Variants in DLG2 observed in about 807,000 individuals in gnomAD.
DLG2 encodes disks large homolog 2.
Under a neutral mutation model 132.5 loss-of-function variants are expected in DLG2, and 45 were observed. The observed-to-expected ratio is 0.34, with a 90% confidence interval of 0.27 to 0.44. The LOEUF (loss-of-function observed/expected upper bound fraction) is 0.44, where lower values mean the gene tolerates loss of function less well. Ranked by LOEUF, DLG2 falls within the 20% of genes least tolerant of loss-of-function variation. The pLI is 1.00. For synonymous variants in DLG2, 424 were observed against 419.6 expected (o/e 1.01, Z -0.13); for missense variants, 1,045 against 1,196.9 (o/e 0.87, Z 1.87).
intron 7 of DLG2, among the ~76,000 whole-genome samples, chr11:84,259,234 T>C (rs1168717635): frequency 1.3e-5 from 2 of 149,432 alleles, no homozygotes; most frequent in East Asian, 2.0e-4. Flanking sequence ...ACTGTGCCAC[T>C]GTACTCCAGC....
At chr11:84,874,283 G>T (rs2085962175) in intron 6 of DLG2, among the ~76,000 whole-genome samples, 1 of 152,166 alleles carries the variant, frequency 6.6e-6, no homozygotes, top group Non-Finnish European at 1.5e-5. Flanking sequence ...GAATTAAGCT[G>T]ACAATAGAAT....
intron 6 of DLG2, among the ~76,000 whole-genome samples, chr11:85,105,044 A>G (rs756967435): frequency 1.1e-4 from 16 of 152,014 alleles, no homozygotes; most frequent in East Asian, 1.9e-4. Flanking sequence ...GATGACATCA[A>G]TTTTACCGTG....
intron 5 of DLG2, among the ~76,000 whole-genome samples, chr11:85,122,443 G>A (rs2074431718): frequency 6.6e-6 from 1 of 152,150 alleles, no homozygotes; most frequent in Non-Finnish European, 1.5e-5. Flanking sequence ...ATTATTTGGG[G>A]AAACCAAATG....
intron 10 of DLG2, among the ~76,000 whole-genome samples, chr11:84,071,259 T>C (rs1219541625): frequency 6.6e-6 from 1 of 151,792 alleles, no homozygotes; most frequent in Non-Finnish European, 1.5e-5. Flanking sequence ...ACTGGCTTTT[T>C]TTTTATTTTT....
chr11:84,654,388 G>C (rs1310380041), intron 6 of DLG2, among the ~76,000 whole-genome samples: 1 of 152,136 alleles, frequency 6.6e-6, no homozygotes, highest in Non-Finnish European at 1.5e-5. Context: ...AAGAATTGCA[G>C]TCTACCATTG....
chr11:84,393,675 C>G (rs2098800797), intron 7 of DLG2, among the ~76,000 whole-genome samples: 1 of 150,874 alleles, frequency 6.6e-6, no homozygotes, highest in Non-Finnish European at 1.5e-5. Context: ...TTAATTTGCC[C>G]AAACTGTTTT....
At chr11:84,235,743 T>G (rs774790915) in intron 8 of DLG2, among the ~76,000 whole-genome samples, 2 of 152,162 alleles carry the variant, frequency 1.3e-5, no homozygotes, top group African/African-American at 2.4e-5. Flanking sequence ...ATTTAGCAAA[T>G]TAACTTTTAT....
intron 19 of DLG2, among the ~76,000 whole-genome samples, chr11:83,586,902 G>A (rs963837090): frequency 1.3e-5 from 2 of 152,184 alleles, no homozygotes; most frequent in African/African-American, 2.4e-5. Flanking sequence ...TCACACCAGG[G>A]TTGTGAAAAT....
intron 8 of DLG2, among the ~76,000 whole-genome samples, chr11:84,210,151 T>C (rs1252872586): frequency 1.3e-5 from 2 of 151,556 alleles, no homozygotes; most frequent in African/African-American, 4.8e-5. Context: ...GTCATGGTGG[T>C]ACATGCCTGT....
chr11:84,336,522 TC>T (rs1209146892), intron 7 of DLG2, among the ~76,000 whole-genome samples: 6 of 152,176 alleles, frequency 3.9e-5, no homozygotes, highest in Admixed American at 1.3e-4. Context: ...ACTTAGAGAT[TC>T]CCTTTACCAA....
chr11:84,454,159 A>G (rs1449477230), intron 7 of DLG2, among the ~76,000 whole-genome samples: 1 of 151,560 alleles, frequency 6.6e-6, no homozygotes, highest in Non-Finnish European at 1.5e-5. Context: ...AAAGATGACT[A>G]AAGAAGATAA....
intron 3 of DLG2, among the ~76,000 whole-genome samples, chr11:85,486,270 C>A (rs759610338): frequency 6.6e-6 from 1 of 151,008 alleles, no homozygotes; most frequent in Admixed American, 6.6e-5. Context: ...GAGACCAGAG[C>A]AAGAGCAGTA....
chr11:84,195,011 G>A (rs937012045), intron 8 of DLG2, among the ~76,000 whole-genome samples: 1 of 152,148 alleles, frequency 6.6e-6, no homozygotes, highest in Non-Finnish European at 1.5e-5. Flanking sequence ...CTCCTGCCTC[G>A]GCCAGCCCAG....
At chr11:84,950,574 A>G (rs1230585648) in intron 6 of DLG2, among the ~76,000 whole-genome samples, 2 of 152,170 alleles carry the variant, frequency 1.3e-5, no homozygotes, top group Non-Finnish European at 2.9e-5. Context: ...TGAGCTCCTA[A>G]AAATGCTGTT....
chr11:84,784,766 TAG>T (rs948073992), intron 6 of DLG2, among the ~76,000 whole-genome samples: 25 of 152,066 alleles, frequency 1.6e-4, no homozygotes, highest in African/African-American at 5.8e-4. Flanking sequence ...CTTATATAAA[TAG>T]AGAGTAGACT....
At chr11:83,587,145 T>A (rs1248891351) in intron 19 of DLG2, among the ~76,000 whole-genome samples, 1 of 152,240 alleles carries the variant, frequency 6.6e-6, no homozygotes, top group African/African-American at 2.4e-5. Flanking sequence ...ATTATTGTTA[T>A]GCTTTGGATT....
At chr11:85,174,461 A>T (rs1346356805) in intron 4 of DLG2, among the ~76,000 whole-genome samples, 1 of 152,222 alleles carries the variant, frequency 6.6e-6, no homozygotes, top group Non-Finnish European at 1.5e-5. Context: ...GGAAACAACT[A>T]AAGCAGTGTT....
chr11:84,962,513 A>G (rs1018554295), intron 6 of DLG2, among the ~76,000 whole-genome samples: 26 of 152,306 alleles, frequency 1.7e-4, no homozygotes, highest in Admixed American at 1.6e-3. Flanking sequence ...ATCACCTGAA[A>G]TCTTATGTGA....
At chr11:84,480,101 T>G (rs1196724842) in intron 7 of DLG2, among the ~76,000 whole-genome samples, 2 of 152,230 alleles carry the variant, frequency 1.3e-5, no homozygotes, top group African/African-American at 2.4e-5. Flanking sequence ...GGTCATGCTG[T>G]GCAGAATGAC....
Sources: gnomAD v4.1 joint callset for allele counts (sites outside exome capture counted in the v4.1 genomes callset) on GRCh38, gnomAD v4.1.1 for gene constraint, MANE v1.5 for transcripts, NCBI Gene and HGNC (gene_info 2026-07-23, HGNC 2026-07-21) for gene names.